Variants in CHD2 observed in about 807,000 individuals in gnomAD.
CHD2 encodes ATP-dependent chromatin remodeler CHD2.
In CHD2, 28 loss-of-function variants were observed where a neutral mutation model predicts 243.9. The ratio of observed to expected loss-of-function variants is 0.11; its 90% confidence interval spans 0.09 to 0.16. The LOEUF is 0.16. CHD2 is among the 10% of genes least tolerant of loss of function. The pLI is 1.00. For missense variants in CHD2, 1,386 were observed against 2,209.8 expected, an observed-to-expected ratio of 0.63 and a Z score of 7.47; for synonymous variants, 775 against 779.0, an observed-to-expected ratio of 0.99 and a Z score of 0.09.
chr15:92,980,772 G>A (rs2053969504), intron 22 of CHD2, 43 bp from the exon 23 acceptor site: 1 of 1,378,948 alleles, frequency 7.3e-7, no homozygotes, highest in African/African-American at 1.4e-5. Flanking sequence ...GAACACTTTA[G>A]AGGTTATTTG....
chr15:92,984,692 A>G (rs866481798), intron 25 of CHD2, among the ~76,000 whole-genome samples, 192 bp downstream of exon 25: 18 of 152,204 alleles, frequency 1.2e-4, no homozygotes, highest in Non-Finnish European at 1.5e-4. Context: ...CCTGTGAGAC[A>G]TCGGATTTGG....
At chr15:92,953,259 T>G in intron 13 of CHD2, 98 bp from the exon 14 acceptor site, 1 of 884,186 alleles carries the variant, frequency 1.1e-6, no homozygotes, top group Admixed American at 2.2e-5. Flanking sequence ...CTTGCTTGGC[T>G]GTTATTGTGA....
chr15:92,956,765 C>T (rs551550702), intron 16 of CHD2, 116 bp downstream of exon 16: 10 of 936,390 alleles, frequency 1.1e-5, no homozygotes, highest in African/African-American at 1.7e-5. Context: ...GAAAGCAAAG[C>T]GTCAAATGGA....
chr15:92,928,500 A>G (rs2053106659), intron 4 of CHD2, among the ~76,000 whole-genome samples: 1 of 141,804 alleles, frequency 7.1e-6, no homozygotes, highest in Non-Finnish European at 1.6e-5. Context: ...CATACTCTTA[A>G]ATGAGTCTAA....
At chr15:92,971,536 T>G (rs772507814) in intron 17 of CHD2, among the ~76,000 whole-genome samples, 1 of 152,208 alleles carries the variant, frequency 6.6e-6, no homozygotes, top group Non-Finnish European at 1.5e-5. Flanking sequence ...CTGTGTTCAG[T>G]GAGGTTGAAA....
chr15:92,931,757 C>T (rs1235001021), intron 5 of CHD2, among the ~76,000 whole-genome samples: 2 of 152,042 alleles, frequency 1.3e-5, no homozygotes, highest in South Asian at 4.2e-4. Context: ...ACCTTTTATC[C>T]CTTTACCTTA....
chr15:92,919,326 A>G (rs2052908870), intron 2 of CHD2, among the ~76,000 whole-genome samples: 2 of 151,804 alleles, frequency 1.3e-5, no homozygotes, highest in South Asian at 4.1e-4. Context: ...TTCTTCTTTA[A>G]GCAGTTCCCC....
chr15:92,939,787 A>C (rs1029517931), intron 7 of CHD2, 69 bp downstream of exon 7: 3 of 1,538,822 alleles, frequency 1.9e-6, no homozygotes, highest in African/African-American at 1.4e-5. Flanking sequence ...TTTGGTTCTC[A>C]TAAGTCCGGG....
intron 2 of CHD2, among the ~76,000 whole-genome samples, chr15:92,916,557 C>CT (rs898433450): frequency 1.3e-5 from 2 of 152,126 alleles, no homozygotes; most frequent in Non-Finnish European, 2.9e-5. Context: ...GATTCATACA[C>CT]TTTTTTATTT....
rs1349199406 is a variant in CHD2 at position 93,009,164 on chromosome 15, C to T, written c.4433C>T (p.Pro1478Leu). 6 of 1,614,048 alleles carry T rather than the reference C, an allele frequency of 3.7e-6. No individual in the cohort carries two copies. The highest frequency in any genetic ancestry group is 4.2e-6 in the Non-Finnish European group (5 of 1,179,994). Residue 1478 changes from proline to leucine, a missense_variant, in exon 35 of 39, where the codon CCC (proline) becomes CTC (leucine). Transcript: ENST00000394196. ...TTGCAGTGTAAGGAGAGGATGAGGC[C>T]CGTGAAAAAGGCACTGAAACAGCTC... ...TFSICKERMR[P>L]VKKALKQLDK...
At chr15:93,012,267 G>T in intron 35 of CHD2, 78 bp from the exon 36 acceptor site, 1 of 875,762 alleles carries the variant, frequency 1.1e-6, no homozygotes, top group Admixed American at 2.6e-5. Context: ...AAATTTAATA[G>T]CTTGCCATCC....
chr15:92,937,419 C>A, intron 5 of CHD2, 99 bp from the exon 6 acceptor site: 1 of 772,744 alleles, frequency 1.3e-6, no homozygotes, highest in South Asian at 1.8e-5. Context: ...TGTGCATGTT[C>A]TGCCCTTTGG....
intron 2 of CHD2, among the ~76,000 whole-genome samples, chr15:92,918,319 T>C (rs2052882361): frequency 1.3e-5 from 2 of 152,236 alleles, no homozygotes; most frequent in Non-Finnish European, 2.9e-5. Context: ...TTATTTTTGA[T>C]TGGAATCTGA....
At chr15:92,942,742 C>T in intron 8 of CHD2, 101 bp from the exon 9 acceptor site, 5 of 817,606 alleles carry the variant, frequency 6.1e-6, no homozygotes, top group East Asian at 2.7e-5. Context: ...TATTTTGGTG[C>T]TTCATCCACA....
intron 16 of CHD2, among the ~76,000 whole-genome samples, chr15:92,958,363 CTTTTCATGTGTTCATTAGCCA>C (rs1462481615): frequency 6.6e-6 from 1 of 152,154 alleles, no homozygotes; most frequent in Non-Finnish European, 1.5e-5. Context: ...TGTTGAACGT[CTTTTCATGTGTTCATTAGCCA>C]TTTGTATGTC....
chr15:92,968,826 T>C (rs1038164060), intron 17 of CHD2, among the ~76,000 whole-genome samples: 1 of 152,250 alleles, frequency 6.6e-6, no homozygotes, highest in African/African-American at 2.4e-5. Context: ...TCCATATTCA[T>C]GCTCTAACAG....
intron 2 of CHD2, among the ~76,000 whole-genome samples, chr15:92,903,318 T>C (rs989849611): frequency 2.0e-5 from 3 of 152,186 alleles, no homozygotes; most frequent in South Asian, 2.1e-4. Flanking sequence ...GTATAGTGTT[T>C]AGGGAATACT....
At chr15:92,995,457 T>G (rs1344606192) in intron 28 of CHD2, among the ~76,000 whole-genome samples, 1 of 150,134 alleles carries the variant, frequency 6.7e-6, no homozygotes, top group Non-Finnish European at 1.5e-5. Context: ...TAAGTTTATC[T>G]TTGATTGTTT....
chr15:92,931,650 G>A lies in CHD2; in HGVS notation c.443+2559G>A, dbSNP rs117902214. On this transcript the variant is annotated intron_variant, in intron 5 of 38. Transcript: ENST00000394196. ...TTGCTCTCCAAAAGTGTTGGGATTA[G>A]CATACGTGAGCCACTGCACCCAGCC... 9.2e-5 allele frequency among the ~76,000 whole-genome samples: 14 copies of A among 152,178 alleles called. No homozygotes were observed. In the East Asian group the frequency reaches 2.7e-3, roughly 29 times the overall value.
Sources: gnomAD v4.1 joint callset for allele counts (sites outside exome capture counted in the v4.1 genomes callset) on GRCh38, gnomAD v4.1.1 for gene constraint, MANE v1.5 for transcripts, NCBI Gene and HGNC (gene_info 2026-07-23, HGNC 2026-07-21) for gene names.